Variants in SLC8A1 observed in about 807,000 individuals in gnomAD.
SLC8A1 encodes the protein solute carrier family 8 member A1, also known as sodium/calcium exchanger 1.
SLC8A1 carries 18 observed loss-of-function variants against 68.3 expected under a neutral mutation model. The ratio of observed to expected loss-of-function variants is 0.26; its 90% confidence interval spans 0.18 to 0.39. SLC8A1 has a LOEUF of 0.39. Among genes scored for constraint, SLC8A1 ranks in the 10% least tolerant of loss-of-function variants. SLC8A1 has a pLI of 1.00. For missense variants in SLC8A1, 985 were observed against 1,156.7 expected (o/e 0.85, Z 2.15); for synonymous variants, 475 against 415.5 (o/e 1.14, Z -1.74).
At chr2:40,171,593 T>C (rs1057124378) in intron 4 of SLC8A1, among the ~76,000 whole-genome samples, 2 of 152,192 alleles carry the variant, frequency 1.3e-5, no homozygotes, top group African/African-American at 4.8e-5. Flanking sequence ...CAATGTATAA[T>C]TTCAAGATGC....
chr2:40,208,048 T>G (rs2055827992), intron 2 of SLC8A1, among the ~76,000 whole-genome samples: 1 of 152,100 alleles, frequency 6.6e-6, no homozygotes, highest in African/African-American at 2.4e-5. Flanking sequence ...CTATCAAAGA[T>G]AACTGTTACA....
chr2:40,187,629 T>A (rs2148627163), intron 2 of SLC8A1, among the ~76,000 whole-genome samples: 1 of 151,784 alleles, frequency 6.6e-6, no homozygotes, highest in South Asian at 2.1e-4. Context: ...ATAAATTTAG[T>A]TCTTTAGTCT....
intron 1 of SLC8A1, among the ~76,000 whole-genome samples, chr2:40,489,224 T>C (rs1359385156): frequency 6.6e-6 from 1 of 151,004 alleles, no homozygotes; most frequent in Non-Finnish European, 1.5e-5. Context: ...GAAACATAAT[T>C]AATAATCAAG....
At chr2:40,120,769 A>G (rs558292860) in intron 7 of SLC8A1, 2 of 152,370 alleles carry the variant, frequency 1.3e-5, no homozygotes, top group South Asian at 4.1e-4. Flanking sequence ...GAATTAAACT[A>G]CATGGCACAG....
intron 2 of SLC8A1, among the ~76,000 whole-genome samples, chr2:40,311,912 C>CA (rs1241483924): frequency 6.6e-6 from 1 of 152,092 alleles, no homozygotes; most frequent in Non-Finnish European, 1.5e-5. Flanking sequence ...AGTTCTACAT[C>CA]AAATATAAAC....
At chr2:40,500,305 C>T (rs1264678747) in intron 1 of SLC8A1, among the ~76,000 whole-genome samples, 1 of 152,032 alleles carries the variant, frequency 6.6e-6, no homozygotes, top group Non-Finnish European at 1.5e-5. Context: ...GAGTTCCACT[C>T]ATATTGTGTT....
At chr2:40,265,648 A>T (rs403630) in intron 2 of SLC8A1, among the ~76,000 whole-genome samples, 2 of 152,038 alleles carry the variant, frequency 1.3e-5, no homozygotes, top group African/African-American at 2.4e-5. Flanking sequence ...TAACAAAATC[A>T]ATTTTTAAAT....
rs922461188 is a variant in SLC8A1, at chr2:40,175,144, C to T, written c.1913-302G>A. On this transcript the variant is annotated intron_variant, in intron 3 of 7. Coordinates refer to ENST00000406785, the Ensembl canonical transcript of SLC8A1. ...ACAAAATGAGGTCAATGGCCCTAAA[C>T]AACAATCTTGCTAGCAAGTCAAGAG... 1.7e-5 allele frequency: 19 copies of T among 1,086,876 alleles called. No individual in the cohort carries two copies. In the African/African-American group the frequency reaches 2.7e-4, roughly 15 times the overall value. The allele number at this position is 1,086,876 out of a possible 1,614,324, so 67.3% of individuals were successfully genotyped here.
chr2:40,103,408 C>T (rs1211706465), exon 8 of SLC8A1: 3 of 152,100 alleles, frequency 2.0e-5, no homozygotes, highest in Non-Finnish European at 4.4e-5. Flanking sequence ...TCATTTACTC[C>T]ATGACAAGGG....
chr2:40,384,646 T>C (rs1033507945), intron 2 of SLC8A1, among the ~76,000 whole-genome samples: 3 of 152,170 alleles, frequency 2.0e-5, no homozygotes, highest in Non-Finnish European at 4.4e-5. Context: ...TGTCATGATC[T>C]TTGGTGGAAT....
Position 40,344,579 on chromosome 2 carries a change from T to A in SLC8A1, c.1808+83894A>T, listed in dbSNP as rs1050661621. Reference sequence around the variant, plus strand: ...ATGTAAACTATTAGAGAGAAAAATGTCTGGGAGAAATGTACTCAAAAAGCA... The same window carrying A: ...ATGTAAACTATTAGAGAGAAAAATGACTGGGAGAAATGTACTCAAAAAGCA... On this transcript the variant is annotated intron_variant, in intron 2 of 7. Coordinates refer to ENST00000406785, the Ensembl canonical transcript of SLC8A1. Among the ~76,000 whole-genome samples the A allele has an allele frequency of 9.9e-5, 15 of 152,278 alleles. No homozygotes were observed. The East Asian group carries it at 2.1e-3, about 22-fold the overall frequency.
intron 2 of SLC8A1, among the ~76,000 whole-genome samples, chr2:40,276,725 A>G (rs2066745180): frequency 6.6e-6 from 1 of 152,242 alleles, no homozygotes; most frequent in Admixed American, 6.5e-5. Context: ...CTTTCAAAAT[A>G]CATTTTTAAA....
chr2:40,168,921 A>G (rs951006879), intron 4 of SLC8A1, among the ~76,000 whole-genome samples: 16 of 152,374 alleles, frequency 1.1e-4, no homozygotes, highest in South Asian at 2.1e-4. Context: ...GATCAAATGC[A>G]TAATTAACAG....
chr2:40,379,104 AT>A (rs1316464335), intron 2 of SLC8A1, among the ~76,000 whole-genome samples: 2 of 152,056 alleles, frequency 1.3e-5, no homozygotes, highest in Non-Finnish European at 2.9e-5. Context: ...CATTTTAATA[AT>A]TTTTTAGTGA....
At chr2:40,302,956 G>A (rs6544319) in intron 2 of SLC8A1, among the ~76,000 whole-genome samples, 4,389 of 152,172 alleles carry the variant, frequency 0.029, 200 homozygotes, top group African/African-American at 0.1. Flanking sequence ...ACAGGATCTT[G>A]TAAGTCTGTC....
intron 7 of SLC8A1, among the ~76,000 whole-genome samples, chr2:40,138,425 T>G (rs1446702275): frequency 1.3e-5 from 2 of 152,218 alleles, no homozygotes; most frequent in Non-Finnish European, 2.9e-5. Context: ...GTCCTGCCTT[T>G]TCCCAAGTCT....
At chr2:40,355,056 C>T (rs748161741) in intron 2 of SLC8A1, among the ~76,000 whole-genome samples, 118 of 151,992 alleles carry the variant, frequency 7.8e-4, no homozygotes, top group South Asian at 2.1e-4. Context: ...TGGGAAATGC[C>T]GGATGAAATA....
intron 2 of SLC8A1, among the ~76,000 whole-genome samples, chr2:40,253,091 T>G (rs1051144886): frequency 1.0e-4 from 11 of 106,242 alleles, no homozygotes; most frequent in Admixed American, 9.0e-4. Context: ...TAAATGTATA[T>G]AGTATATATA....
chr2:40,496,096 T>G (rs1416897811), intron 1 of SLC8A1, among the ~76,000 whole-genome samples: 1 of 152,124 alleles, frequency 6.6e-6, no homozygotes, highest in Non-Finnish European at 1.5e-5. Context: ...GCCTGCTCAC[T>G]GTCAGGAAAC....
Sources: gnomAD v4.1 joint callset for allele counts (sites outside exome capture counted in the v4.1 genomes callset) on GRCh38, gnomAD v4.1.1 for gene constraint, MANE v1.5 for transcripts, NCBI Gene and HGNC (gene_info 2026-07-23, HGNC 2026-07-21) for gene names.